FER1L5: variants seen among roughly 807,000 people sequenced by gnomAD.
FER1L5 encodes fer-1-like protein 5.
Under a neutral mutation model 279.9 loss-of-function variants are expected in FER1L5, and 187 were observed. That is an observed-to-expected ratio of 0.67 (90% confidence interval 0.59 to 0.75). The LOEUF is 0.75. Among genes scored for constraint, FER1L5 ranks in the 30% least tolerant of loss-of-function variants. The pLI, the probability that FER1L5 is intolerant of heterozygous loss-of-function variation, is 0.00. For synonymous variants in FER1L5, 921 were observed against 989.7 expected (o/e 0.93, Z 1.30); for missense variants, 2,091 against 2,594.4 (o/e 0.81, Z 4.21).
At chr2:96,690,322 T>C (rs2077092462) in intron 26 of FER1L5, among the ~76,000 whole-genome samples, 165 bp from the exon 27 acceptor site, 1 of 152,138 alleles carries the variant, frequency 6.6e-6, no homozygotes, top group South Asian at 2.1e-4. Flanking sequence ...TTGGAGCATA[T>C]TCAGTGATGG....
At chr2:96,684,549 C>G in intron 20 of FER1L5, 98 bp downstream of exon 20, 1 of 1,460,756 alleles carries the variant, frequency 6.8e-7, no homozygotes, top group Non-Finnish European at 9.2e-7. Context: ...ACTGGTCACA[C>G]AGCTCATTCA....
intron 34 of FER1L5, 105 bp from the exon 35 acceptor site, chr2:96,695,404 G>C: frequency 7.1e-7 from 1 of 1,407,656 alleles, no homozygotes; most frequent in Non-Finnish European, 9.4e-7. Context: ...GGCCCTGCAG[G>C]CTCCTGCTGC....
At chr2:96,669,305 G>T (rs952966081) in intron 17 of FER1L5, among the ~76,000 whole-genome samples, 168 bp downstream of exon 17, 2 of 152,186 alleles carry the variant, frequency 1.3e-5, no homozygotes, top group South Asian at 4.1e-4. Flanking sequence ...TGGGACAGGC[G>T]TGGGGGCACA....
At position 96,695,983 on chromosome 2, in the gene FER1L5, G is replaced by A. The variant is rs368807543; in HGVS notation, c.4058-69G>A. The A allele has an allele frequency of 1.3e-4, 206 of 1,604,700 alleles. No individual in the cohort carries two copies. In the African/African-American group the frequency reaches 2.2e-3, roughly 17 times the overall value. On this transcript the variant is annotated intron_variant, in intron 36 of 52. Transcript: ENST00000624922. ...GGAGTGGGGCAGGCCCTGCTACCCC[G>A]TGGGGTTGGTGCTTCCTCCTCAGCC...
rs574709567 is a variant in FER1L5, at chr2:96,689,892, G to A, written c.2640+134G>A. ...ACTATGTGTGGGGCCCCGGGTGAGC[G>A]CACCAGCCCTCAGGCACTCTCTCTC... On this transcript the variant is annotated intron_variant, in intron 26 of 52. Coordinates refer to ENST00000624922, the MANE Select transcript of FER1L5 (RefSeq NM_001293083.2). The surrounding 1 kb of genome is among the most constrained non-coding windows in gnomAD (Gnocchi z 4.6). The A allele has an allele frequency of 8.6e-5, 56 of 654,350 alleles. No homozygotes were observed. The highest frequency in any genetic ancestry group is 1.8e-4 in the Admixed American group (6 of 33,418). 40.5% of individuals were successfully genotyped at this position (654,350 alleles called of 1,614,324 possible). A position where few individuals can be genotyped will look rare whatever the true frequency, so the allele number is the denominator to read the frequency against.
At chr2:96,668,331 T>C (rs1322003478) in intron 14 of FER1L5, among the ~76,000 whole-genome samples, 1 of 151,930 alleles carries the variant, frequency 6.6e-6, no homozygotes, top group Non-Finnish European at 1.5e-5. Flanking sequence ...CGAGACCAGC[T>C]TGGGCAACAT....
chr2:96,677,155 C>G (rs1482186316), intron 19 of FER1L5, among the ~76,000 whole-genome samples: 1 of 152,222 alleles, frequency 6.6e-6, no homozygotes, highest in African/African-American at 2.4e-5. Context: ...CTTTGTTATA[C>G]ATTCTGGAAT....
chr2:96,689,462 A>G lies in FER1L5; in HGVS notation c.2525+86A>G. 6.6e-7 allele frequency: 1 copy of G among 1,519,706 alleles called. No homozygotes were observed. Among genetic ancestry groups the G allele is most frequent in the Middle Eastern group, 1.9e-4 (1 of 5,216 alleles). 94.1% of individuals were successfully genotyped at this position (1,519,706 alleles called of 1,614,324 possible). ...CGGCAGCCCAGAAAGATGGGTACCT[A>G]GCCCCTAAGCCTGGTGCCAGAGGGC... is the stretch of plus-strand genomic sequence containing the variant. On this transcript the variant is annotated intron_variant, in intron 25 of 52. Transcript: ENST00000624922. This position sits in a 1 kb window ranked among gnomAD's most constrained non-coding sequence, Gnocchi z 4.6.
chr2:96,659,305 CCT>C (rs2075744166), intron 9 of FER1L5, among the ~76,000 whole-genome samples: 1 of 39,652 alleles, frequency 2.5e-5, no homozygotes, highest in Non-Finnish European at 5.3e-5. Context: ...TTCCTTCCTT[CCT>C]TCCTTCCTTC....
chr2:96,682,133 C>A (rs1293416393), intron 19 of FER1L5, among the ~76,000 whole-genome samples: 1 of 151,832 alleles, frequency 6.6e-6, no homozygotes, highest in Non-Finnish European at 1.5e-5. Flanking sequence ...GTTGCCCAGG[C>A]TGGAGTGCAG....
intron 1 of FER1L5, among the ~76,000 whole-genome samples, 177 bp downstream of exon 1, chr2:96,643,098 C>T (rs573659345): frequency 1.3e-5 from 2 of 152,342 alleles, no homozygotes; most frequent in African/African-American, 4.8e-5. Context: ...TATGACTTCT[C>T]TGCCTCCCAC....
intron 19 of FER1L5, among the ~76,000 whole-genome samples, chr2:96,676,649 T>C (rs2076521922): frequency 1.3e-5 from 2 of 151,296 alleles, no homozygotes; most frequent in African/African-American, 2.4e-5. Context: ...TTTTTTTTAG[T>C]ATTACATTCT....
rs372478576 is a variant in FER1L5, at chr2:96,659,396, T to TC, written c.748-944dup. On this transcript the variant is annotated intron_variant, in intron 9 of 52. Transcript: ENST00000624922. Reference sequence around the variant, plus strand: ...TTCTTTCTTTCTTTCTTTCTTTCTTTCTTTCTTTCTTTCTTTCTTTCTTTC... The same window carrying TC: ...TTCTTTCTTTCTTTCTTTCTTTCTTTCCTTTCTTTCTTTCTTTCTTTCTTTC... Among the ~76,000 whole-genome samples the TC allele has an allele frequency of 1.4e-3, 10 of 7,242 alleles. 1 individual carries two copies. Among genetic ancestry groups the TC allele is most frequent in the South Asian group, 0.017 (2 of 118 alleles). The allele number at this position is 7,242 out of a possible 152,430, so 4.8% of individuals were successfully genotyped here.
intron 5 of FER1L5, among the ~76,000 whole-genome samples, 168 bp downstream of exon 5, chr2:96,649,845 A>T (rs2075290000): frequency 6.6e-6 from 1 of 152,202 alleles, no homozygotes; most frequent in Non-Finnish European, 1.5e-5. Context: ...AGATCTCCAG[A>T]CATCTGGCTG....
rs1228295207 is a variant in FER1L5, at chr2:96,686,003, G to A, written c.1959G>A (p.Gln653=). The change falls in exon 22 of 53, where the codon CAG becomes CAA. Residue 653 remains glutamine (Q), a synonymous_variant. Coordinates refer to ENST00000624922, the MANE Select transcript of FER1L5 (RefSeq NM_001293083.2). The part of the protein sequence containing the change: ...KATSLDRKRW[Q]LRSLLLQELA... ...CCAGCCTGGACAGGAAGAGGTGGCA[G>A]CTCCGCAGCCTCCTCCTGCAGGAAC... 6.4e-7 allele frequency: 1 copy of A among 1,551,428 alleles called. No individual in the cohort carries two copies. The highest frequency in any genetic ancestry group is 2.0e-5 in the Admixed American group (1 of 50,990).
chr2:96,651,296 TTTCTTCTTTCC>T (rs2075366537), intron 6 of FER1L5, among the ~76,000 whole-genome samples: 3 of 146,908 alleles, frequency 2.0e-5, no homozygotes, highest in African/African-American at 5.0e-5. Flanking sequence ...TCTTTCTTTC[TTTCTTCTTTCC>T]TTCCTTCCTT....
Position 96,702,987 on chromosome 2 carries a change from T to G in FER1L5, c.5407T>G (p.Trp1803Gly), listed in dbSNP as rs765011682. Residue 1803 changes from tryptophan to glycine, a missense_variant, in exon 49 of 53, where the codon TGG becomes GGG. Physicochemically the swap from Trp to Gly is radical, Grantham distance 184. Transcript: ENST00000624922. This position sits in a 1 kb window ranked among gnomAD's most constrained non-coding sequence, Gnocchi z 4.0. ...TCVQSQKDYIWSLDATSMKFP... is the reference protein window; with the variant it reads ...TCVQSQKDYIGSLDATSMKFP... ...TCCGCCATTTCCCCAGGATTACATA[T>G]GGAGCCTGGATGCCACGTCCATGAA... 5.6e-6 allele frequency: 9 copies of G among 1,611,876 alleles called. No individual in the cohort carries two copies. The South Asian group carries it at 9.9e-5, about 18-fold the overall frequency.
rs200820148 is a variant in FER1L5, at chr2:96,689,738, G to A, written c.2620G>A (p.Ala874Thr). The part of the protein sequence containing the change: ...RDTRGAWGPA[A>T]IPNTDVNGQP... ...CACCAGAGGGGCCTGGGGGCCTGCCGCCATCCCAAACACAGACGTGGTGAG... is the reference window on the plus strand; with the variant it reads ...CACCAGAGGGGCCTGGGGGCCTGCCACCATCCCAAACACAGACGTGGTGAG... The change falls in exon 26 of 53, where the codon GCC (alanine) becomes ACC (threonine). Residue 874 changes from alanine to threonine, a missense_variant. By Grantham distance (58) the Ala-to-Thr change is moderately conservative. Coordinates refer to ENST00000624922, the MANE Select transcript of FER1L5 (RefSeq NM_001293083.2). The surrounding 1 kb of genome is among the most constrained non-coding windows in gnomAD (Gnocchi z 4.6). 1,577 of 1,549,958 alleles carry A rather than the reference G, an allele frequency of 1.0e-3. 16 individuals carry two copies. The highest frequency in any genetic ancestry group is 0.01 in the South Asian group (852 of 83,948).
intron 19 of FER1L5, among the ~76,000 whole-genome samples, chr2:96,681,877 T>C (rs919271892): frequency 1.4e-5 from 2 of 147,538 alleles, no homozygotes; most frequent in Non-Finnish European, 3.0e-5. Flanking sequence ...GCACCACCTC[T>C]CGGGTTCAAG....
Sources: gnomAD v4.1 joint callset for allele counts (sites outside exome capture counted in the v4.1 genomes callset) on GRCh38, gnomAD v4.1.1 for gene constraint, Gnocchi (gnomAD v3.1) non-coding constraint, MANE v1.5 for transcripts, NCBI Gene and HGNC (gene_info 2026-07-23, HGNC 2026-07-21) for gene names.